CNTNAP2: variants seen among roughly 807,000 people sequenced by gnomAD.
The protein encoded by CNTNAP2 is contactin-associated protein-like 2.
In CNTNAP2, 98 loss-of-function variants were observed where a neutral mutation model predicts 155.2. The ratio of observed to expected loss-of-function variants is 0.63; its 90% CI spans 0.54 to 0.75. CNTNAP2 has a LOEUF of 0.75. Ranked by LOEUF, CNTNAP2 falls within the 30% of genes least tolerant of loss-of-function variation. The probability of loss-of-function intolerance (pLI) is 0.00; values close to 1 mark genes in which losing one functional copy is unlikely to be tolerated. For synonymous variants in CNTNAP2, 651 were observed against 631.2 expected (o/e 1.03, Z -0.47); for missense variants, 1,727 against 1,688.1 (o/e 1.02, Z -0.40).
chr7:146,369,029 GTATA>G (rs71525943), intron 1 of CNTNAP2, among the ~76,000 whole-genome samples: 5,542 of 137,292 alleles, frequency 0.04, 304 homozygotes, highest in African/African-American at 0.13. Flanking sequence ...AAAGCATTAT[GTATA>G]TATATATATA....
chr7:146,165,656 G>T (rs1554398668), intron 1 of CNTNAP2, among the ~76,000 whole-genome samples: 1 of 151,994 alleles, frequency 6.6e-6, no homozygotes, highest in Non-Finnish European at 1.5e-5. Flanking sequence ...CTATCTGTAT[G>T]TCTTCAATTA....
chr7:147,349,317 C>CT (rs1563170159), intron 9 of CNTNAP2, among the ~76,000 whole-genome samples: 1 of 151,814 alleles, frequency 6.6e-6, no homozygotes, highest in Non-Finnish European at 1.5e-5. Flanking sequence ...ACAAAAGATA[C>CT]TATTAGCAGC....
intron 9 of CNTNAP2, among the ~76,000 whole-genome samples, chr7:147,336,137 AAAG>A (rs1795660540): frequency 1.3e-5 from 2 of 152,276 alleles, no homozygotes; most frequent in South Asian, 4.1e-4. Context: ...TGTGGAGTAA[AAAG>A]AACATATTTC....
chr7:148,260,780 C>T (rs1468055147), intron 20 of CNTNAP2, among the ~76,000 whole-genome samples: 1 of 152,068 alleles, frequency 6.6e-6, no homozygotes, highest in Non-Finnish European at 1.5e-5. Context: ...TCCAGCTGGG[C>T]CTGAGAGTTA....
intron 3 of CNTNAP2, among the ~76,000 whole-genome samples, chr7:146,930,141 T>G (rs1019874951): frequency 3.1e-4 from 47 of 152,138 alleles, no homozygotes; most frequent in African/African-American, 1.1e-3. Flanking sequence ...TAATTGTCAA[T>G]TCACCAAAGT....
intron 13 of CNTNAP2, among the ~76,000 whole-genome samples, chr7:147,745,647 C>T (rs75594485): frequency 0.032 from 4,810 of 152,234 alleles, 244 homozygotes; most frequent in African/African-American, 0.11. Flanking sequence ...TCTTTATAAC[C>T]AATCGAGAAA....
At chr7:146,145,009 G>A (rs1797937123) in intron 1 of CNTNAP2, among the ~76,000 whole-genome samples, 1 of 152,130 alleles carries the variant, frequency 6.6e-6, no homozygotes, top group Non-Finnish European at 1.5e-5. Context: ...CTCAGTTGAT[G>A]GATTTGATGA....
Position 147,140,363 on chromosome 7 carries a change from C to T in CNTNAP2, c.1348+7854C>T, listed in dbSNP as rs559758435. Among the ~76,000 whole-genome samples, 12 of 148,680 alleles carry T rather than the reference C, an allele frequency of 8.1e-5. No homozygotes were observed. In the East Asian group the frequency reaches 1.2e-3, roughly 14 times the overall value. On this transcript the variant is annotated intron_variant, in intron 8 of 23. Coordinates refer to ENST00000361727, the MANE Select transcript of CNTNAP2 (RefSeq NM_014141.6). ...TGTTCCCTGCCTGGATATTGGAGTACTGCTCACCTCCAATTTCCCAGGATT... is the reference window on the plus strand; with the variant it reads ...TGTTCCCTGCCTGGATATTGGAGTATTGCTCACCTCCAATTTCCCAGGATT...
chr7:147,798,825 A>G (rs1345400753), intron 13 of CNTNAP2, among the ~76,000 whole-genome samples: 2 of 152,206 alleles, frequency 1.3e-5, no homozygotes, highest in African/African-American at 2.4e-5. Context: ...AGGAAAAAGG[A>G]GAGCAGAGAA....
At chr7:146,578,100 A>G (rs574976686) in intron 1 of CNTNAP2, among the ~76,000 whole-genome samples, 1 of 152,294 alleles carries the variant, frequency 6.6e-6, no homozygotes, top group South Asian at 2.1e-4. Context: ...TTTCTTTAAT[A>G]CTGACTACTT....
intron 11 of CNTNAP2, among the ~76,000 whole-genome samples, chr7:147,552,659 A>G (rs1799874763): frequency 6.6e-6 from 1 of 151,966 alleles, no homozygotes; most frequent in East Asian, 1.9e-4. Context: ...TCCTTAGTGA[A>G]TCACATCCCT....
intron 21 of CNTNAP2, among the ~76,000 whole-genome samples, chr7:148,331,703 T>G (rs200078736): frequency 1.1e-4 from 15 of 132,458 alleles, no homozygotes; most frequent in South Asian, 2.3e-4. Context: ...ATGGAGTGGA[T>G]GGATGGAGTG....
chr7:147,862,216 A>T (rs1474271693), intron 13 of CNTNAP2, among the ~76,000 whole-genome samples: 1 of 152,144 alleles, frequency 6.6e-6, no homozygotes, highest in Non-Finnish European at 1.5e-5. Context: ...AAAATGCCTG[A>T]CACATAACTG....
Position 147,863,607 on chromosome 7 carries a change from TTAATGATCACCATTC to T in CNTNAP2, c.2099-39954_2099-39940del, listed in dbSNP as rs1025400402. Among the ~76,000 whole-genome samples the T allele has an allele frequency of 1.2e-4, 19 of 152,290 alleles. No homozygotes were observed. The Middle Eastern group carries it at 0.01, about 82-fold the overall frequency. ...CCAGCATCTGTTGTTTCCTGACTTT[TTAATGATCACCATTC>T]TAACTGGTGTGAGATGGTATCTCAT... On this transcript the variant is annotated intron_variant, in intron 13 of 23. Transcript: ENST00000361727.
At chr7:147,347,505 T>G (rs980460054) in intron 9 of CNTNAP2, among the ~76,000 whole-genome samples, 5 of 123,026 alleles carry the variant, frequency 4.1e-5, no homozygotes, top group Admixed American at 8.3e-5. Context: ...TATATATGTG[T>G]GTGTGTGTGT....
At chr7:146,241,799 A>T (rs1799566711) in intron 1 of CNTNAP2, among the ~76,000 whole-genome samples, 1 of 151,836 alleles carries the variant, frequency 6.6e-6, no homozygotes, top group African/African-American at 2.4e-5. Flanking sequence ...GCCTCCCTAA[A>T]ATTTGAAATT....
At chr7:146,705,457 C>T (rs911725719) in intron 1 of CNTNAP2, among the ~76,000 whole-genome samples, 3 of 152,074 alleles carry the variant, frequency 2.0e-5, no homozygotes, top group Non-Finnish European at 2.9e-5. Context: ...ACTAATGACA[C>T]TGATGAGAAG....
intron 1 of CNTNAP2, among the ~76,000 whole-genome samples, chr7:146,642,372 T>G (rs2129161561): frequency 7.0e-6 from 1 of 142,980 alleles, no homozygotes; most frequent in Non-Finnish European, 1.5e-5. Flanking sequence ...TGTGTTCTCA[T>G]TCTTCAATTC....
At chr7:147,078,074 C>G (rs1392011372) in intron 4 of CNTNAP2, among the ~76,000 whole-genome samples, 1 of 152,174 alleles carries the variant, frequency 6.6e-6, no homozygotes, top group East Asian at 1.9e-4. Context: ...ATGATACTTA[C>G]ATTTTTCTCC....
Sources: gnomAD v4.1 joint callset for allele counts (sites outside exome capture counted in the v4.1 genomes callset) on GRCh38, gnomAD v4.1.1 for gene constraint, MANE v1.5 for transcripts, NCBI Gene and HGNC (gene_info 2026-07-23, HGNC 2026-07-21) for gene names.